Variants in MYO1D observed in about 807,000 individuals in gnomAD.
MYO1D encodes myosin ID.
In MYO1D, 83 loss-of-function variants were observed where a neutral mutation model predicts 122.0. That is an observed-to-expected ratio of 0.68 (90% CI 0.57 to 0.82). MYO1D has a LOEUF of 0.82. MYO1D is among the 40% of genes least tolerant of loss of function. The probability of loss-of-function intolerance (pLI) is 0.00; values close to 1 mark genes in which losing one functional copy is unlikely to be tolerated. For synonymous variants in MYO1D, 464 were observed against 446.9 expected, an observed-to-expected ratio of 1.04 and a Z score of -0.48; for missense variants, 1,157 against 1,269.5, an observed-to-expected ratio of 0.91 and a Z score of 1.35.
intron 21 of MYO1D, among the ~76,000 whole-genome samples, chr17:32,558,321 A>G (rs941485941): frequency 2.0e-5 from 3 of 152,216 alleles, no homozygotes; most frequent in Non-Finnish European, 4.4e-5. Flanking sequence ...AAGATGGAGC[A>G]GCAAGGAAAC....
At chr17:32,801,014 T>G (rs1236764008) in intron 1 of MYO1D, among the ~76,000 whole-genome samples, 1 of 152,196 alleles carries the variant, frequency 6.6e-6, no homozygotes, top group Non-Finnish European at 1.5e-5. Flanking sequence ...TAAATATAAT[T>G]ATTTGTAAAT....
chr17:32,844,413 G>GTATATATAT (rs2090916466), intron 1 of MYO1D, among the ~76,000 whole-genome samples: 2 of 146,132 alleles, frequency 1.4e-5, no homozygotes, highest in Non-Finnish European at 3.0e-5. Context: ...GTATATATGT[G>GTATATATAT]TATATATACT....
At chr17:32,720,304 ATTACT>A (rs1318363352) in intron 15 of MYO1D, among the ~76,000 whole-genome samples, 9 of 152,282 alleles carry the variant, frequency 5.9e-5, no homozygotes, top group African/African-American at 1.4e-4. Flanking sequence ...TTATTGAGTG[ATTACT>A]TTACGGAGGT....
chr17:32,834,829 T>C (rs924550480), intron 1 of MYO1D, among the ~76,000 whole-genome samples: 1 of 152,116 alleles, frequency 6.6e-6, no homozygotes, highest in Non-Finnish European at 1.5e-5. Context: ...GTGGCCAACA[T>C]GGTGAAACTC....
At chr17:32,569,257 A>C (rs1312930701) in intron 21 of MYO1D, among the ~76,000 whole-genome samples, 1 of 152,240 alleles carries the variant, frequency 6.6e-6, no homozygotes, top group Non-Finnish European at 1.5e-5. Flanking sequence ...TGAAGACAGC[A>C]ATGGGCATAT....
intron 11 of MYO1D, among the ~76,000 whole-genome samples, chr17:32,751,006 A>G (rs1381926211): frequency 6.6e-6 from 1 of 152,188 alleles, no homozygotes; most frequent in East Asian, 1.9e-4. Flanking sequence ...ACACTAATGG[A>G]ACATTCTTAC....
intron 21 of MYO1D, among the ~76,000 whole-genome samples, chr17:32,499,724 G>A (rs372850352): frequency 5.4e-4 from 82 of 152,192 alleles, no homozygotes; most frequent in African/African-American, 1.9e-3. Context: ...TTTGGGAGGC[G>A]GAAGCCGGCA....
intron 16 of MYO1D, among the ~76,000 whole-genome samples, chr17:32,663,060 G>C (rs2150956008): frequency 6.6e-6 from 1 of 151,988 alleles, no homozygotes. Context: ...TGGGACTATA[G>C]GCACCTGCCA....
chr17:32,856,049 G>T (rs563629592), intron 1 of MYO1D, among the ~76,000 whole-genome samples: 3 of 152,116 alleles, frequency 2.0e-5, no homozygotes, highest in African/African-American at 7.2e-5. Context: ...TATCTTAGTT[G>T]CCATCAATCA....
chr17:32,655,825 C>T (rs992530797), intron 17 of MYO1D, among the ~76,000 whole-genome samples: 12 of 152,120 alleles, frequency 7.9e-5, no homozygotes, highest in Admixed American at 6.5e-5. Flanking sequence ...AACAGGAAGA[C>T]CTGTTAGATG....
At chr17:32,638,870 C>T in intron 19 of MYO1D, 35 bp from the exon 20 acceptor site, 1 of 1,412,704 alleles carries the variant, frequency 7.1e-7, no homozygotes, top group Non-Finnish European at 1.0e-6. Context: ...CATAGTATCT[C>T]ATCAATAAGG....
intron 19 of MYO1D, among the ~76,000 whole-genome samples, chr17:32,647,858 C>A (rs1304436322): frequency 6.6e-6 from 1 of 152,006 alleles, no homozygotes; most frequent in Non-Finnish European, 1.5e-5. Flanking sequence ...GCAGTCTTTC[C>A]TTGATGACAT....
At position 32,689,928 on chromosome 17, in the gene MYO1D, G is replaced by A. The variant is rs953284984; in HGVS notation, c.2121+22060C>T. 4.6e-5 allele frequency among the ~76,000 whole-genome samples: 7 copies of A among 152,028 alleles called. No individual in the cohort carries two copies. The East Asian group carries it at 7.8e-4, about 17-fold the overall frequency. ...TTTAGTAGAGATGGGGTTTCACCACGTTGGTCAGGCTGGCCTTGAACTCCT... is the reference window on the plus strand; with the variant it reads ...TTTAGTAGAGATGGGGTTTCACCACATTGGTCAGGCTGGCCTTGAACTCCT... On this transcript the variant is annotated intron_variant, in intron 16 of 21. Coordinates refer to ENST00000318217, the MANE Select transcript of MYO1D (RefSeq NM_015194.3).
At chr17:32,566,644 T>C (rs151229680) in intron 21 of MYO1D, among the ~76,000 whole-genome samples, 226 of 151,704 alleles carry the variant, frequency 1.5e-3, no homozygotes, top group African/African-American at 4.9e-3. Context: ...GGGAAAACAT[T>C]TTTTGACTCG....
chr17:32,506,845 G>T (rs899448436), intron 21 of MYO1D, among the ~76,000 whole-genome samples: 2 of 152,230 alleles, frequency 1.3e-5, no homozygotes, highest in Non-Finnish European at 2.9e-5. Context: ...ACCGGGTGCA[G>T]TGGCTCATGC....
intron 21 of MYO1D, among the ~76,000 whole-genome samples, chr17:32,564,816 G>A (rs531976011): frequency 4.4e-4 from 67 of 152,224 alleles, no homozygotes; most frequent in Middle Eastern, 3.4e-3. Flanking sequence ...GAAGAGTATA[G>A]GAACAAATCC....
At chr17:32,859,308 A>C (rs533941945) in intron 1 of MYO1D, among the ~76,000 whole-genome samples, 6 of 152,092 alleles carry the variant, frequency 3.9e-5, no homozygotes, top group Non-Finnish European at 8.8e-5. Flanking sequence ...TATCCTCAAC[A>C]TATTTACTTG....
In MYO1D at chr17:32,511,770, C is replaced by T. The variant is rs767133974; in HGVS notation, c.2865-16855G>A. On this transcript the variant is annotated intron_variant, in intron 21 of 21. Coordinates refer to ENST00000318217, the MANE Select transcript of MYO1D (RefSeq NM_015194.3). ...AGGTGCTAAATAAGACTGGACTGAACATGCACCAGCACCCACACCTTCCTC... is the reference window on the plus strand; with the variant it reads ...AGGTGCTAAATAAGACTGGACTGAATATGCACCAGCACCCACACCTTCCTC... 6.6e-5 allele frequency among the ~76,000 whole-genome samples: 10 copies of T among 152,250 alleles called. No homozygotes were observed. In the Middle Eastern group the frequency reaches 0.01, roughly 155 times the overall value.
intron 21 of MYO1D, among the ~76,000 whole-genome samples, chr17:32,524,852 C>T (rs751571958): frequency 3.9e-5 from 6 of 152,118 alleles, no homozygotes; most frequent in Admixed American, 6.5e-5. Context: ...TGAGCCACTG[C>T]GCCTGGCCTT....
Sources: gnomAD v4.1 joint callset for allele counts (sites outside exome capture counted in the v4.1 genomes callset) on GRCh38, gnomAD v4.1.1 for gene constraint, MANE v1.5 for transcripts, NCBI Gene and HGNC (gene_info 2026-07-23, HGNC 2026-07-21) for gene names.